The following TMEM245 variants were observed in gnomAD, a reference collection of about 807,000 sequenced individuals.
TMEM245 encodes the protein protein CG-2.
TMEM245 carries 69 observed loss-of-function variants against 101.2 expected under a neutral mutation model. That is an observed-to-expected ratio of 0.68 (90% CI 0.56 to 0.83). TMEM245 has a LOEUF of 0.83. Among genes scored for constraint, TMEM245 ranks in the 40% least tolerant of loss-of-function variants. The probability of loss-of-function intolerance (pLI) is 0.00; values close to 1 mark genes in which losing one functional copy is unlikely to be tolerated. For synonymous variants in TMEM245, 537 were observed against 449.8 expected (o/e 1.19, Z -2.45); for missense variants, 1,075 against 1,092.8 (o/e 0.98, Z 0.23).
chr9:109,088,590 C>T (rs1170441567), intron 5 of TMEM245, among the ~76,000 whole-genome samples: 7 of 151,704 alleles, frequency 4.6e-5, no homozygotes, highest in Non-Finnish European at 1.5e-5. Context: ...CAGGCCGAGG[C>T]GGGCGGATCA....
Position 109,050,442 on chromosome 9 carries a change from G to A in TMEM245, c.1978-14C>T. ...CAGGAAAATTATCTGCAAAACAAAG[G>A]ACAACATCTCCTAAAAAAATCGTAT... On this transcript the variant is annotated splice_polypyrimidine_tract_variant and intron_variant, in intron 13 of 17. Transcript: ENST00000374586. 5.6e-6 allele frequency: 9 copies of A among 1,613,118 alleles called. No individual in the cohort carries two copies. Among genetic ancestry groups the A allele is most frequent in the Non-Finnish European group, 6.8e-6 (8 of 1,179,386 alleles).
At chr9:109,027,072 C>T (rs138407094) in intron 17 of TMEM245, among the ~76,000 whole-genome samples, 11 of 152,252 alleles carry the variant, frequency 7.2e-5, no homozygotes, top group Admixed American at 1.3e-4. Flanking sequence ...AACAGACTAA[C>T]ACAAGACCCT....
At chr9:109,116,783 C>T (rs1830734739) in intron 1 of TMEM245, among the ~76,000 whole-genome samples, 1 of 152,120 alleles carries the variant, frequency 6.6e-6, no homozygotes, top group South Asian at 2.1e-4. Context: ...CTGTGTGGGC[C>T]TCCCAAAGTG....
intron 14 of TMEM245, among the ~76,000 whole-genome samples, chr9:109,049,033 G>T (rs370472523): frequency 2.0e-5 from 3 of 152,328 alleles, no homozygotes; most frequent in East Asian, 3.9e-4. Context: ...ACTCCTGACA[G>T]CAGAGGGTTC....
At chr9:109,046,271 A>G (rs1319872536) in intron 14 of TMEM245, 1 of 534,578 alleles carries the variant, frequency 1.9e-6, no homozygotes, top group Non-Finnish European at 3.8e-6. Flanking sequence ...CCGTGACAAC[A>G]TGCAACTTAG....
chr9:109,086,083 G>A (rs1331228160), intron 6 of TMEM245, 63 bp from the exon 7 acceptor site: 2 of 1,532,142 alleles, frequency 1.3e-6, no homozygotes, highest in Non-Finnish European at 9.0e-7. Context: ...ATTAGAGAAT[G>A]CAACCATAGT....
At chr9:109,049,547 C>T (rs1828609345) in intron 14 of TMEM245, among the ~76,000 whole-genome samples, 1 of 152,030 alleles carries the variant, frequency 6.6e-6, no homozygotes, top group Non-Finnish European at 1.5e-5. Flanking sequence ...AGGGTCTTGG[C>T]CGGGCATGGT....
intron 9 of TMEM245, among the ~76,000 whole-genome samples, chr9:109,066,398 T>G (rs553001188): frequency 5.2e-4 from 66 of 126,820 alleles, no homozygotes; most frequent in Admixed American, 1.1e-3. Flanking sequence ...GACGTTGCAA[T>G]GAGCCAAGAT....
chr9:109,083,950 AC>A (rs1310242148), intron 7 of TMEM245, among the ~76,000 whole-genome samples: 1 of 137,478 alleles, frequency 7.3e-6, no homozygotes, highest in African/African-American at 2.7e-5. Context: ...GGTGGTGCAC[AC>A]CTGTGGTCCC....
At chr9:109,038,368 GA>G (rs1828203261) in intron 14 of TMEM245, 1 of 289,986 alleles carries the variant, frequency 3.4e-6, no homozygotes, top group African/African-American at 2.2e-5. Context: ...AATTTCTGAT[GA>G]AAAAATAACT....
chr9:109,056,372 T>A (rs1828836005), intron 12 of TMEM245, among the ~76,000 whole-genome samples: 1 of 140,486 alleles, frequency 7.1e-6, no homozygotes, highest in South Asian at 2.2e-4. Context: ...GGCAGGCAGA[T>A]CACTTGAGGT....
chr9:109,085,009 A>ATT (rs2132540221), intron 7 of TMEM245, among the ~76,000 whole-genome samples: 1 of 152,352 alleles, frequency 6.6e-6, no homozygotes, highest in East Asian at 1.9e-4. Context: ...AAGGCCTGAT[A>ATT]TAATATTTCC....
chr9:109,093,345 G>C lies in TMEM245; in HGVS notation c.916+130C>G, dbSNP rs1588069589. On this transcript the variant is annotated intron_variant, in intron 4 of 17. Transcript: ENST00000374586. ...GAGAGGGAAAAGGGCATAAAAATAG[G>C]AACCAAAGAGAATAAATGAAGGATC... 6 of 734,708 alleles carry C rather than the reference G, an allele frequency of 8.2e-6. No homozygotes were observed. The East Asian group carries it at 1.6e-4, about 19-fold the overall frequency. The allele number at this position is 734,708 out of a possible 1,614,324, so 45.5% of individuals were successfully genotyped here.
chr9:109,064,973 A>G (rs1829124911), intron 9 of TMEM245, among the ~76,000 whole-genome samples: 1 of 152,042 alleles, frequency 6.6e-6, no homozygotes, highest in Non-Finnish European at 1.5e-5. Flanking sequence ...TTTAGTAGAG[A>G]TAGGGTTTCA....
At chr9:109,099,200 G>C (rs1215982875) in intron 3 of TMEM245, among the ~76,000 whole-genome samples, 1 of 152,190 alleles carries the variant, frequency 6.6e-6, no homozygotes, top group Non-Finnish European at 1.5e-5. Context: ...ATGGCTTCTA[G>C]TATCACGTCA....
intron 3 of TMEM245, among the ~76,000 whole-genome samples, chr9:109,106,068 G>C (rs923278480): frequency 3.3e-5 from 5 of 151,936 alleles, no homozygotes; most frequent in African/African-American, 1.2e-4. Context: ...CACTGCGCAC[G>C]GCCTGTAGGC....
intron 5 of TMEM245, among the ~76,000 whole-genome samples, chr9:109,088,040 G>A (rs769511495): frequency 3.9e-5 from 6 of 152,184 alleles, no homozygotes; most frequent in Non-Finnish European, 8.8e-5. Context: ...TTAAGCAGAG[G>A]TTAAGCTTCC....
chr9:109,058,126 G>A (rs568137154), intron 11 of TMEM245, among the ~76,000 whole-genome samples: 36 of 149,916 alleles, frequency 2.4e-4, no homozygotes, highest in African/African-American at 8.3e-4. Flanking sequence ...TCAGCCTCCC[G>A]AGTAGCTGTG....
intron 7 of TMEM245, among the ~76,000 whole-genome samples, chr9:109,083,915 A>AAAAAAAAAAAAAAC (rs1829750480): frequency 4.2e-5 from 6 of 141,728 alleles, no homozygotes; most frequent in East Asian, 2.1e-4. Context: ...AAAAAAAAAA[A>AAAAAAAAAAAAAAC]AAAAAAAAAA....
Sources: allele counts gnomAD v4.1 joint callset (sites outside exome capture counted in the v4.1 genomes callset), GRCh38; gene constraint gnomAD v4.1.1; transcripts MANE v1.5; gene names NCBI Gene and HGNC (gene_info 2026-07-23, HGNC 2026-07-21).